Variants in SCAPER observed in about 807,000 individuals in gnomAD.
The protein encoded by SCAPER is S-phase cyclin A associated protein in the ER.
In SCAPER, 98 loss-of-function variants were observed where a neutral mutation model predicts 182.2. The ratio of observed to expected loss-of-function variants is 0.54; its 90% CI spans 0.46 to 0.64. The LOEUF is 0.64. Among genes scored for constraint, SCAPER ranks in the 30% least tolerant of loss-of-function variants. SCAPER has a pLI of 0.00. For missense variants in SCAPER, 1,432 were observed against 1,690.0 expected (o/e 0.85, Z 2.68); for synonymous variants, 605 against 564.6 (o/e 1.07, Z -1.01).
chr15:76,664,477 G>A (rs1208249643), intron 21 of SCAPER, among the ~76,000 whole-genome samples: 1 of 152,092 alleles, frequency 6.6e-6, no homozygotes, highest in Non-Finnish European at 1.5e-5. Context: ...TATGAAATGA[G>A]GTAGGTTTTT....
chr15:76,464,007 C>CTTTTTT (rs10630336), intron 25 of SCAPER, among the ~76,000 whole-genome samples: 42 of 120,328 alleles, frequency 3.5e-4, no homozygotes, highest in East Asian at 1.0e-3. Flanking sequence ...TTTCACTGGT[C>CTTTTTT]TTTTTTTTTT....
chr15:76,728,545 T>G, intron 17 of SCAPER, 50 bp downstream of exon 17: 1 of 1,608,824 alleles, frequency 6.2e-7, no homozygotes, highest in Non-Finnish European at 8.5e-7. Context: ...AGACCTCAAC[T>G]TGAATATTCA....
At chr15:76,355,543 CTTCTT>C (rs2040896836) in intron 29 of SCAPER, among the ~76,000 whole-genome samples, 1 of 21,718 alleles carries the variant, frequency 4.6e-5, no homozygotes, top group African/African-American at 8.9e-5. Flanking sequence ...TATTAGAAGT[CTTCTT>C]TTTTTTTTTC....
intron 1 of SCAPER, among the ~76,000 whole-genome samples, chr15:76,899,758 G>A (rs2074655755): frequency 6.6e-6 from 1 of 150,528 alleles, no homozygotes; most frequent in Non-Finnish European, 1.5e-5. Context: ...GATGTGAGGA[G>A]CACCTCTGCC....
chr15:76,480,169 G>A (rs1203199550), intron 24 of SCAPER, among the ~76,000 whole-genome samples: 3 of 152,194 alleles, frequency 2.0e-5, no homozygotes, highest in Non-Finnish European at 4.4e-5. Context: ...TTAGGAAAGG[G>A]AGAGACAAAT....
At chr15:76,531,004 T>C (rs533596621) in intron 23 of SCAPER, among the ~76,000 whole-genome samples, 1 of 151,786 alleles carries the variant, frequency 6.6e-6, no homozygotes, top group East Asian at 1.9e-4. Flanking sequence ...TGTATATATA[T>C]ATAATCCAAA....
At chr15:76,664,126 C>T (rs995745487) in intron 21 of SCAPER, among the ~76,000 whole-genome samples, 4 of 152,134 alleles carry the variant, frequency 2.6e-5, no homozygotes, top group African/African-American at 9.7e-5. Flanking sequence ...GAAACCTGAA[C>T]TATAAAATCC....
At chr15:76,621,859 A>G in intron 21 of SCAPER, 30 bp from the exon 22 acceptor site, 1 of 1,488,232 alleles carries the variant, frequency 6.7e-7, no homozygotes, top group Non-Finnish European at 9.2e-7. Flanking sequence ...TAACACAGTT[A>G]TTTCACTGCT....
intron 26 of SCAPER, among the ~76,000 whole-genome samples, chr15:76,426,220 A>G (rs1180580163): frequency 6.6e-6 from 1 of 152,212 alleles, no homozygotes; most frequent in Non-Finnish European, 1.5e-5. Context: ...GGTGGAGTCT[A>G]CAGAGGCAGA....
At chr15:76,592,580 C>A (rs535274657) in intron 22 of SCAPER, among the ~76,000 whole-genome samples, 1 of 123,140 alleles carries the variant, frequency 8.1e-6, no homozygotes, top group African/African-American at 2.5e-5. Flanking sequence ...GCGAGATCAA[C>A]GCAGAAGGCA....
chr15:76,552,811 G>T (rs1375977861), intron 23 of SCAPER, among the ~76,000 whole-genome samples: 1 of 151,940 alleles, frequency 6.6e-6, no homozygotes, highest in Admixed American at 6.6e-5. Context: ...TGTTTAACCT[G>T]AACAGAGCAG....
chr15:76,631,357 A>T (rs1000757390), intron 21 of SCAPER, among the ~76,000 whole-genome samples: 3 of 152,026 alleles, frequency 2.0e-5, no homozygotes, highest in Admixed American at 2.0e-4. Flanking sequence ...TATTTTGCAG[A>T]CTTCTTTATG....
intron 23 of SCAPER, among the ~76,000 whole-genome samples, chr15:76,520,212 GT>G (rs1290685785): frequency 2.0e-5 from 3 of 151,914 alleles, no homozygotes; most frequent in Non-Finnish European, 4.4e-5. Flanking sequence ...GCTATCTTTT[GT>G]TTTTTTGTTT....
intron 31 of SCAPER, 130 bp downstream of exon 31, chr15:76,351,107 A>C (rs1280713401): frequency 1.5e-6 from 1 of 688,598 alleles, no homozygotes; most frequent in African/African-American, 1.8e-5. Context: ...TATACTTGGT[A>C]TCTGAATCTC....
intron 4 of SCAPER, among the ~76,000 whole-genome samples, chr15:76,842,603 T>A (rs1272690943): frequency 6.6e-6 from 1 of 152,168 alleles, no homozygotes; most frequent in African/African-American, 2.4e-5. Flanking sequence ...AGGCAGTTCA[T>A]TACAGCAGTA....
intron 17 of SCAPER, among the ~76,000 whole-genome samples, chr15:76,706,708 A>G (rs1438477344): frequency 1.3e-5 from 2 of 152,152 alleles, no homozygotes; most frequent in Non-Finnish European, 2.9e-5. Context: ...GAAAATCTAC[A>G]TACAGAAATG....
At chr15:76,886,451 G>T (rs148321760) in intron 1 of SCAPER, among the ~76,000 whole-genome samples, 7 of 152,308 alleles carry the variant, frequency 4.6e-5, no homozygotes, top group African/African-American at 1.7e-4. Context: ...CTGCACTCCA[G>T]CCTGGGCAAC....
In SCAPER at chr15:76,401,369, C is replaced by T. The variant is rs900086412; in HGVS notation, c.3467+3155G>A. On this transcript the variant is annotated intron_variant, in intron 27 of 31. Transcript: ENST00000563290. ...ATCTCCCCTACATTTGTTCTACTCCCTCGTAATGTATTTGCTCATCTCTAT... is the reference window on the plus strand; with the variant it reads ...ATCTCCCCTACATTTGTTCTACTCCTTCGTAATGTATTTGCTCATCTCTAT... Among the ~76,000 whole-genome samples the T allele has an allele frequency of 2.0e-5, 3 of 152,264 alleles. No individual in the cohort carries two copies. In the Middle Eastern group the frequency reaches 0.01, roughly 521 times the overall value.
chr15:76,869,317 A>G (rs137866333), intron 2 of SCAPER, among the ~76,000 whole-genome samples: 1 of 152,268 alleles, frequency 6.6e-6, no homozygotes, highest in African/African-American at 2.4e-5. Context: ...AATAATCAAC[A>G]AAGAGACAAT....
Sources: gnomAD v4.1 joint callset for allele counts (sites outside exome capture counted in the v4.1 genomes callset) on GRCh38, gnomAD v4.1.1 for gene constraint, MANE v1.5 for transcripts, NCBI Gene and HGNC (gene_info 2026-07-23, HGNC 2026-07-21) for gene names.